The following CRISP2 variants were observed in gnomAD, a reference collection of about 807,000 sequenced individuals.
CRISP2 encodes the protein cysteine-rich secretory protein 2.
A neutral mutation model predicts 31.7 loss-of-function variants in CRISP2; 29 were observed. The ratio of observed to expected loss-of-function variants is 0.92; its 90% CI spans 0.68 to 1.25. CRISP2 has a LOEUF of 1.25. Ranked by LOEUF, CRISP2 falls within the 50% of genes most tolerant of loss-of-function variation. The pLI, the probability that CRISP2 is intolerant of heterozygous loss-of-function variation, is 0.00. For missense variants in CRISP2, 318 were observed against 286.5 expected, an observed-to-expected ratio of 1.11 and a Z score of -0.79; for synonymous variants, 111 against 101.4, an observed-to-expected ratio of 1.09 and a Z score of -0.57.
the CRISP2 span, among the ~76,000 whole-genome samples, chr6:49,680,424 C>T: frequency 1.3e-5 from 2 of 152,114 alleles, no homozygotes; most frequent in African/African-American, 4.8e-5. Flanking sequence ...TAGGTTGATT[C>T]CATGTCTTTG....
chr6:49,688,751 T>C (rs1173438712), downstream of CRISP2, among the ~76,000 whole-genome samples: 1 of 152,220 alleles, frequency 6.6e-6, no homozygotes, highest in East Asian at 1.9e-4. Context: ...ATTTAAAAAG[T>C]CTCATATTGA....
intron 4 of CRISP2, among the ~76,000 whole-genome samples, chr6:49,703,666 G>A (rs1417830561): frequency 6.6e-6 from 1 of 152,036 alleles, no homozygotes; most frequent in Non-Finnish European, 1.5e-5. Context: ...GTACATTGAT[G>A]GCTAAAGATA....
At chr6:49,697,824 G>T in intron 8 of CRISP2, 36 bp downstream of exon 8, 2 of 1,603,374 alleles carry the variant, frequency 1.2e-6, no homozygotes, top group Non-Finnish European at 1.7e-6. Context: ...ATTGCAGATA[G>T]AATTATTGCC....
chr6:49,691,501 G>C (rs1040763403), downstream of CRISP2, among the ~76,000 whole-genome samples: 1 of 151,838 alleles, frequency 6.6e-6, no homozygotes, highest in Non-Finnish European at 1.5e-5. Context: ...CTGTGTCAGG[G>C]TATGTTTTCC....
At chr6:49,681,961 T>A in the CRISP2 span, among the ~76,000 whole-genome samples, 3 of 152,204 alleles carry the variant, frequency 2.0e-5, no homozygotes, top group Non-Finnish European at 2.9e-5. Flanking sequence ...CCCCAAGCAT[T>A]TAAATAATTA....
chr6:49,697,981 T>C lies in CRISP2; in HGVS notation c.418-24A>G, dbSNP rs745935589. ...AGCTGCAAATTAACAATGGAATAAA[T>C]ATATAAAAGTACATTAGAGAAGATG... On this transcript the variant is annotated intron_variant, in intron 7 of 9. Transcript: ENST00000339139. 11 of 1,498,494 alleles carry C rather than the reference T, an allele frequency of 7.3e-6. No individual in the cohort carries two copies. The South Asian group carries it at 1.4e-4, about 19-fold the overall frequency. The allele number at this position is 1,498,494 out of a possible 1,614,324, so 92.8% of individuals were successfully genotyped here. A position where few individuals can be genotyped will look rare whatever the true frequency, so the allele number is the denominator to read the frequency against.
At chr6:49,702,053 AT>A (rs1387566480) in intron 4 of CRISP2, among the ~76,000 whole-genome samples, 1 of 115,138 alleles carries the variant, frequency 8.7e-6, no homozygotes, top group Non-Finnish European at 1.7e-5. Context: ...AGTTTATATT[AT>A]ATATGTATAC....
chr6:49,698,379 C>T lies in CRISP2; in HGVS notation c.400G>A (p.Val134Ile), dbSNP rs935520795. ...GVGPKSPNAV[V>I]GHYTQLVWYS... The stretch of plus-strand genomic sequence containing the variant: ...CTTCTTACCTGAGTATAATGTCCAA[C>T]AACTGCATTGGGACTCTTTGGTCCT... The change falls in exon 7 of 10, where the codon GTT becomes ATT. Residue 134 changes from valine to isoleucine, a missense_variant. Transcript: ENST00000339139. The T allele has an allele frequency of 4.3e-6, 7 of 1,613,120 alleles. No individual in the cohort carries two copies. The highest frequency in any genetic ancestry group is 4.5e-5 in the East Asian group (2 of 44,860).
intron 4 of CRISP2, among the ~76,000 whole-genome samples, chr6:49,705,821 T>G (rs1426740812): frequency 6.6e-6 from 1 of 152,164 alleles, no homozygotes; most frequent in Non-Finnish European, 1.5e-5. Context: ...GCTTCCTCAG[T>G]GAGGATGTGT....
At chr6:49,679,999 C>T in the CRISP2 span, among the ~76,000 whole-genome samples, 63 of 152,248 alleles carry the variant, frequency 4.1e-4, no homozygotes, top group African/African-American at 1.3e-3. Flanking sequence ...AGCCACTGCA[C>T]CCAGCCGACT....
downstream of CRISP2, among the ~76,000 whole-genome samples, chr6:49,687,503 CTT>C (rs1483948935): frequency 6.6e-6 from 1 of 152,166 alleles, no homozygotes; most frequent in Non-Finnish European, 1.5e-5. Flanking sequence ...TATGCAGAAA[CTT>C]TTCATTCCTA....
intron 7 of CRISP2, 133 bp from the exon 8 acceptor site, chr6:49,698,090 A>G: frequency 2.7e-6 from 2 of 750,120 alleles, no homozygotes; most frequent in Admixed American, 3.4e-5. Flanking sequence ...TAAATTATTG[A>G]ACCAAAGTCA....
chr6:49,710,713 A>C (rs1307752589), intron 3 of CRISP2, among the ~76,000 whole-genome samples: 1 of 152,164 alleles, frequency 6.6e-6, no homozygotes, highest in Non-Finnish European at 1.5e-5. Flanking sequence ...AATGTAAAAA[A>C]TTTTTACATA....
At chr6:49,679,211 G>A in the CRISP2 span, among the ~76,000 whole-genome samples, 912 of 152,128 alleles carry the variant, frequency 6.0e-3, 5 homozygotes, top group Non-Finnish European at 0.011. Context: ...TGTCATATGA[G>A]ATACTTATGC....
the CRISP2 span, among the ~76,000 whole-genome samples, chr6:49,686,646 G>A: frequency 3.9e-5 from 6 of 152,262 alleles, no homozygotes; most frequent in South Asian, 8.3e-4. Context: ...TTGGTGTGGC[G>A]ATTCCTCAGG....
upstream of CRISP2, among the ~76,000 whole-genome samples, chr6:49,713,847 G>T (rs1489831503): frequency 6.6e-6 from 1 of 152,188 alleles, no homozygotes. Flanking sequence ...GAAAAAGGAG[G>T]CGTTCGCATT....
In CRISP2 at chr6:49,698,475, T is replaced by C. The variant is rs752977180; in HGVS notation, c.304A>G (p.Ser102Gly). Residue 102 changes from serine to glycine, a missense_variant, in exon 7 of 10, where the codon AGT (serine) becomes GGT (glycine). Ser to Gly is a moderately conservative substitution (Grantham distance 56). Coordinates refer to ENST00000339139, the MANE Select transcript of CRISP2 (RefSeq NM_003296.4). ...TRCGENLYMS[S>G]DPTSWSSAIQ... is the part of the protein sequence containing the mutation. ...GCAGAAGACCAGGAAGTAGGGTCAC[T>C]TGACATATAGAGATTCTCACCACAT... 1 of 1,612,832 alleles carries C rather than the reference T, an allele frequency of 6.2e-7. No individual in the cohort carries two copies. The highest frequency in any genetic ancestry group is 1.7e-5 in the Admixed American group (1 of 59,700).
chr6:49,712,330 T>G (rs762457248), intron 2 of CRISP2, among the ~76,000 whole-genome samples, 171 bp downstream of exon 2: 6 of 152,182 alleles, frequency 3.9e-5, no homozygotes, highest in Non-Finnish European at 7.3e-5. Context: ...ACCTCAACCA[T>G]CTAACCTATA....
At chr6:49,693,722 G>A (rs2127384087) in intron 9 of CRISP2, among the ~76,000 whole-genome samples, 1 of 152,164 alleles carries the variant, frequency 6.6e-6, no homozygotes, top group South Asian at 2.1e-4. Flanking sequence ...TTCTGCTGTT[G>A]AGACCATCTA....
Sources: gnomAD v4.1 joint callset for allele counts (sites outside exome capture counted in the v4.1 genomes callset) on GRCh38, gnomAD v4.1.1 for gene constraint, MANE v1.5 for transcripts, NCBI Gene and HGNC (gene_info 2026-07-23, HGNC 2026-07-21) for gene names.